The following CFAP20DC variants were observed in gnomAD, a reference collection of about 807,000 sequenced individuals.
CFAP20DC encodes the protein protein CFAP20DC.
In CFAP20DC, 84 loss-of-function variants were observed where a neutral mutation model predicts 101.7. The ratio of observed to expected loss-of-function variants is 0.83; its 90% confidence interval spans 0.69 to 0.99. The LOEUF (loss-of-function observed/expected upper bound fraction) is 0.99. CFAP20DC is among the 50% of genes least tolerant of loss of function. The probability of loss-of-function intolerance (pLI) is 0.00; values close to 1 mark genes in which losing one functional copy is unlikely to be tolerated. For missense variants in CFAP20DC, 1,007 were observed against 970.3 expected, an observed-to-expected ratio of 1.04 and a Z score of -0.50; for synonymous variants, 359 against 351.2, an observed-to-expected ratio of 1.02 and a Z score of -0.25.
intron 4 of CFAP20DC, among the ~76,000 whole-genome samples, chr3:59,009,832 G>T (rs1201143569): frequency 6.6e-6 from 1 of 152,042 alleles, no homozygotes; most frequent in Non-Finnish European, 1.5e-5. Context: ...AAAAGCATCA[G>T]GTAATCTATA....
At chr3:58,928,005 A>G (rs2086172716) in intron 5 of CFAP20DC, among the ~76,000 whole-genome samples, 1 of 152,346 alleles carries the variant, frequency 6.6e-6, no homozygotes, top group Middle Eastern at 3.4e-3. Flanking sequence ...GCATTTGTGG[A>G]ATCACCAAGC....
chr3:58,785,682 C>T (rs969000040), intron 15 of CFAP20DC, among the ~76,000 whole-genome samples: 4 of 152,098 alleles, frequency 2.6e-5, no homozygotes, highest in African/African-American at 9.7e-5. Context: ...AACTGCCTCC[C>T]TCCCATAACG....
At chr3:58,944,541 T>C (rs1306443941) in intron 4 of CFAP20DC, among the ~76,000 whole-genome samples, 1 of 152,176 alleles carries the variant, frequency 6.6e-6, no homozygotes, top group African/African-American at 2.4e-5. Flanking sequence ...CAGTTTCATT[T>C]GTTCACTGTT....
At chr3:58,810,218 C>G (rs2074493542) in intron 14 of CFAP20DC, among the ~76,000 whole-genome samples, 1 of 152,050 alleles carries the variant, frequency 6.6e-6, no homozygotes, top group South Asian at 2.1e-4. Context: ...CCAGCATCAT[C>G]CTGATACCAA....
Position 58,717,682 on chromosome 3 carries a change from T to C in CFAP20DC, c.198-54A>G. 2 of 425,128 alleles carry C rather than the reference T, an allele frequency of 4.7e-6. No individual in the cohort carries two copies. Among genetic ancestry groups the C allele is most frequent in the Non-Finnish European group, 9.2e-6 (2 of 217,470 alleles). 26.3% of individuals were successfully genotyped at this position (425,128 alleles called of 1,614,324 possible). A position where few individuals can be genotyped will look rare whatever the true frequency, so the allele number is the denominator to read the frequency against. ...AAAAAAAAAAAAGAAAAAAGGTACA[T>C]GCCTTTTATTCTGGGTCTGTCCATT... On this transcript the variant is annotated intron_variant, in intron 3 of 3. Transcript: ENST00000486145. This position sits in a 1 kb window ranked among gnomAD's most constrained non-coding sequence, Gnocchi z 4.1.
In CFAP20DC at chr3:58,897,180, T is replaced by C. The variant is rs907404982; in HGVS notation, c.551-12471A>G. Among the ~76,000 whole-genome samples the C allele has an allele frequency of 6.6e-6, 1 of 152,210 alleles. No individual in the cohort carries two copies. Among genetic ancestry groups the C allele is most frequent in the African/African-American group, 2.4e-5 (1 of 41,446 alleles). ...TGATATTTGTTGGTTTAAAGTCTAT[T>C]TGTCAGAAACTAGGATTGCAACCCC... On this transcript the variant is annotated intron_variant, in intron 6 of 16. Transcript: ENST00000482387. The surrounding 1 kb of genome is among the most constrained non-coding windows in gnomAD (Gnocchi z 4.4).
intron 4 of CFAP20DC, among the ~76,000 whole-genome samples, chr3:58,991,714 G>C (rs1444945902): frequency 2.0e-5 from 3 of 152,044 alleles, no homozygotes; most frequent in African/African-American, 4.8e-5. Context: ...AATAGGGTCT[G>C]CTCTCCTACG....
chr3:59,023,324 T>C (rs753274503), intron 4 of CFAP20DC, among the ~76,000 whole-genome samples: 1 of 152,094 alleles, frequency 6.6e-6, no homozygotes, highest in Non-Finnish European at 1.5e-5. Flanking sequence ...CAAGATGTAG[T>C]CCCTGCCCTC....
rs532795792 is a variant in CFAP20DC at position 58,732,077 on chromosome 3, T to C, written c.198-14449A>G. Among the ~76,000 whole-genome samples, 14 of 152,114 alleles carry C rather than the reference T, an allele frequency of 9.2e-5. No individual in the cohort carries two copies. Among genetic ancestry groups the C allele is most frequent in the Non-Finnish European group, 1.9e-4 (13 of 68,024 alleles). On this transcript the variant is annotated intron_variant, in intron 3 of 3. Transcript: ENST00000486145. This position sits in a 1 kb window ranked among gnomAD's most constrained non-coding sequence, Gnocchi z 5.4. The stretch of plus-strand genomic sequence containing the variant: ...CGATGCTTGGGAGTGCAGTGAGAGC[T>C]CAATAAATGGTTGTGCTGACAATAA...
Position 58,897,229 on chromosome 3 carries a change from C to G in CFAP20DC, c.551-12520G>C, listed in dbSNP as rs1434686072. Among the ~76,000 whole-genome samples the G allele has an allele frequency of 6.6e-6, 1 of 152,118 alleles. No homozygotes were observed. The highest frequency in any genetic ancestry group is 1.5e-5 in the Non-Finnish European group (1 of 68,016). On this transcript the variant is annotated intron_variant, in intron 6 of 16. Coordinates refer to ENST00000482387, the MANE Select transcript of CFAP20DC (RefSeq NM_001394063.1). This position sits in a 1 kb window ranked among gnomAD's most constrained non-coding sequence, Gnocchi z 4.4. Reference sequence around the variant, plus strand: ...CCTGCTTTTTTCTGTTTTCCATTTGCTTGGTAAATTTTCCTCCATTCCTTT... The same window carrying G: ...CCTGCTTTTTTCTGTTTTCCATTTGGTTGGTAAATTTTCCTCCATTCCTTT...
intron 4 of CFAP20DC, among the ~76,000 whole-genome samples, chr3:59,028,481 G>A (rs2093931528): frequency 6.6e-6 from 1 of 152,054 alleles, no homozygotes; most frequent in Non-Finnish European, 1.5e-5. Context: ...AGATATAAAA[G>A]GCTTAGCTCT....
At chr3:59,023,407 G>A (rs2093839004) in intron 4 of CFAP20DC, among the ~76,000 whole-genome samples, 1 of 152,098 alleles carries the variant, frequency 6.6e-6, no homozygotes, top group Non-Finnish European at 1.5e-5. Context: ...GATATGGGAA[G>A]TATTTATGAA....
chr3:58,867,802 GA>G lies in CFAP20DC; in HGVS notation c.1135+14del. 6.2e-7 allele frequency: 1 copy of G among 1,613,276 alleles called. No individual in the cohort carries two copies. Among genetic ancestry groups the G allele is most frequent in the South Asian group, 1.1e-5 (1 of 91,040 alleles). On this transcript the variant is annotated intron_variant, in intron 10 of 16. Coordinates refer to ENST00000482387, the MANE Select transcript of CFAP20DC (RefSeq NM_001394063.1). ...TAATATACAGATATAAGATAGGATT[GA>G]AATAGTGCCATACCGCTGGGTGTCT...
chr3:58,903,263 A>C (rs2107172157), intron 6 of CFAP20DC, among the ~76,000 whole-genome samples: 1 of 152,170 alleles, frequency 6.6e-6, no homozygotes, highest in East Asian at 1.9e-4. Flanking sequence ...TTTTTCTCTA[A>C]GAGTTTTACA....
chr3:58,862,096 AT>A (rs1479824994), intron 12 of CFAP20DC: 44 of 952,904 alleles, frequency 4.6e-5, no homozygotes, highest in Non-Finnish European at 5.2e-5. Context: ...CATGTGGTGT[AT>A]TTAAAGGGCA....
In CFAP20DC at chr3:58,884,590, T is replaced by C. The variant is rs1055517836; in HGVS notation, c.670A>G (p.Thr224Ala). ...GGATGGCCTCCGAATTTTATTTCAG[T>C]TTGGCGAAGTTTAGTCATGTTTAGC... ...QLLNMTKLRQ[T>A]EIKFGGHPLR... Residue 224 changes from threonine to alanine, a missense_variant, in exon 7 of 17, where the codon ACT (threonine) becomes GCT (alanine). Coordinates refer to ENST00000482387, the MANE Select transcript of CFAP20DC (RefSeq NM_001394063.1). The C allele has an allele frequency of 3.1e-6, 5 of 1,613,894 alleles. No individual in the cohort carries two copies. The African/African-American group carries it at 6.7e-5, about 22-fold the overall frequency.
chr3:58,730,489 G>A (rs185236816), intron 3 of CFAP20DC, among the ~76,000 whole-genome samples: 1 of 152,230 alleles, frequency 6.6e-6, no homozygotes, highest in Admixed American at 6.5e-5. Flanking sequence ...GATAAAGGCC[G>A]GGGGGTGGAG....
chr3:58,890,752 G>T (rs1211187090), intron 6 of CFAP20DC, among the ~76,000 whole-genome samples: 6 of 149,886 alleles, frequency 4.0e-5, no homozygotes, highest in South Asian at 4.3e-4. Flanking sequence ...AGACGGGGTT[G>T]CGGCCGGGCA....
intron 14 of CFAP20DC, among the ~76,000 whole-genome samples, chr3:58,818,918 G>C (rs1362080712): frequency 6.9e-6 from 1 of 145,220 alleles, no homozygotes; most frequent in Non-Finnish European, 1.5e-5. Context: ...AAATGTAAAA[G>C]AACAGAAATT....
Sources: allele counts gnomAD v4.1 joint callset (sites outside exome capture counted in the v4.1 genomes callset), GRCh38; gene constraint gnomAD v4.1.1; non-coding constraint Gnocchi (gnomAD v3.1); transcripts MANE v1.5; gene names NCBI Gene and HGNC (gene_info 2026-07-23, HGNC 2026-07-21).